Variants in RBFOX1 observed in about 807,000 individuals in gnomAD.
RBFOX1 encodes RNA binding fox-1 homolog 1, also known as RNA binding protein fox-1 homolog 1.
A neutral mutation model predicts 57.7 loss-of-function variants in RBFOX1; 8 were observed. The ratio of observed to expected loss-of-function variants is 0.14; its 90% CI spans 0.08 to 0.25. The LOEUF (loss-of-function observed/expected upper bound fraction) is 0.25, where lower values mean the gene tolerates loss of function less well. Ranked by LOEUF, RBFOX1 falls within the 10% of genes least tolerant of loss-of-function variation. The pLI is 1.00. For missense variants in RBFOX1, 611 were observed against 548.5 expected (o/e 1.11, Z -1.14); for synonymous variants, 326 against 222.4 (o/e 1.47, Z -4.15).
rs1334501306 is a variant in RBFOX1, at chr16:7,020,129, C to T, written c.-15-31928C>T. ...TTTACTACAATTGTCATGTCTCAGGCCAGGTGCGGCGTACCCGGGGACTCT... is the reference window on the plus strand; with the variant it reads ...TTTACTACAATTGTCATGTCTCAGGTCAGGTGCGGCGTACCCGGGGACTCT... On this transcript the variant is annotated intron_variant, in intron 3 of 15. Coordinates refer to ENST00000550418, the MANE Select transcript of RBFOX1 (RefSeq NM_018723.4). Among the ~76,000 whole-genome samples, 7 of 152,276 alleles carry T rather than the reference C, an allele frequency of 4.6e-5. No homozygotes were observed. The South Asian group carries it at 1.2e-3, about 27-fold the overall frequency.
At chr16:6,462,059 TCAA>T (rs991077227) in intron 2 of RBFOX1, among the ~76,000 whole-genome samples, 2 of 152,182 alleles carry the variant, frequency 1.3e-5, no homozygotes, top group African/African-American at 4.8e-5. Flanking sequence ...TTTTTCCTTT[TCAA>T]CAACATTTTT....
At chr16:7,211,174 G>C (rs1474663257) in intron 4 of RBFOX1, among the ~76,000 whole-genome samples, 2 of 151,498 alleles carry the variant, frequency 1.3e-5, no homozygotes, top group Non-Finnish European at 2.9e-5. Context: ...GGGGGATCAT[G>C]AGGTCAGGAG....
At chr16:7,684,579 G>A (rs2146975069) in intron 14 of RBFOX1, among the ~76,000 whole-genome samples, 1 of 151,636 alleles carries the variant, frequency 6.6e-6, no homozygotes, top group South Asian at 2.1e-4. Context: ...CATATGATAA[G>A]CTAAATCAGT....
chr16:7,345,107 CAG>C (rs1327620325), intron 4 of RBFOX1, among the ~76,000 whole-genome samples: 2 of 152,160 alleles, frequency 1.3e-5, no homozygotes, highest in African/African-American at 4.8e-5. Context: ...TTTTGGTTAT[CAG>C]TGTTGAAACC....
At chr16:5,890,718 A>T (rs1051123405) in intron 4 of RBFOX1, among the ~76,000 whole-genome samples, 2 of 151,506 alleles carry the variant, frequency 1.3e-5, no homozygotes, top group Non-Finnish European at 2.9e-5. Flanking sequence ...AAAAAAAAAA[A>T]AAAGTGAAGG....
intron 3 of RBFOX1, among the ~76,000 whole-genome samples, chr16:6,674,965 G>A (rs933328255): frequency 1.3e-5 from 2 of 152,060 alleles, no homozygotes; most frequent in Admixed American, 1.3e-4. Context: ...GAGTGCAGTG[G>A]CATGATCTTG....
At position 7,503,527 on chromosome 16, in the gene RBFOX1, A is replaced by C. The variant is rs1421851959; in HGVS notation, c.28-14620A>C. ...TCCCCTTGTGGATTTGGTTAAATGT[A>C]GTAGTATTAGCAATGGCACAAGTCA... On this transcript the variant is annotated intron_variant, in intron 4 of 15. Transcript: ENST00000550418. 2.6e-5 allele frequency among the ~76,000 whole-genome samples: 4 copies of C among 152,226 alleles called. No homozygotes were observed. In the East Asian group the frequency reaches 7.7e-4, roughly 29 times the overall value.
chr16:7,616,090 C>G (rs1188734705), intron 10 of RBFOX1, among the ~76,000 whole-genome samples: 6 of 152,168 alleles, frequency 3.9e-5, no homozygotes, highest in African/African-American at 1.4e-4. Flanking sequence ...TGATTTGATA[C>G]CACACAGCTG....
At chr16:6,765,530 G>GAA (rs76578989) in intron 3 of RBFOX1, among the ~76,000 whole-genome samples, 1 of 151,746 alleles carries the variant, frequency 6.6e-6, no homozygotes, top group Non-Finnish European at 1.5e-5. Flanking sequence ...TAAAGTTTAA[G>GAA]AAAAAAAGAA....
At chr16:7,130,419 T>G (rs1023672800) in intron 4 of RBFOX1, among the ~76,000 whole-genome samples, 1 of 152,288 alleles carries the variant, frequency 6.6e-6, no homozygotes, top group East Asian at 1.9e-4. Flanking sequence ...GTATTCACAT[T>G]ATTACACTTA....
Position 7,712,735 on chromosome 16 carries a change from G to A in RBFOX1, c.*1990G>A, listed in dbSNP as rs769764313. The A allele has an allele frequency of 6.6e-6, 1 of 152,188 alleles. No individual in the cohort carries two copies. The highest frequency in any genetic ancestry group is 6.5e-5 in the Admixed American group (1 of 15,274). 9.4% of individuals were successfully genotyped at this position (152,188 alleles called of 1,614,324 possible). A position where few individuals can be genotyped will look rare whatever the true frequency, so the allele number is the denominator to read the frequency against. On this transcript the variant is annotated 3_prime_UTR_variant, in exon 16 of 16. Transcript: ENST00000550418. ...TGGGTGCCTGGTTGATGTTCTTAAA[G>A]GAAACGAATTATTAAAACACTATGA...
intron 4 of RBFOX1, among the ~76,000 whole-genome samples, chr16:7,212,226 G>C (rs2091279531): frequency 6.6e-6 from 1 of 152,150 alleles, no homozygotes; most frequent in African/African-American, 2.4e-5. Context: ...AGAGAAACCA[G>C]AGAATGAGGG....
At chr16:7,025,264 T>A (rs887194530) in intron 3 of RBFOX1, among the ~76,000 whole-genome samples, 9 of 152,124 alleles carry the variant, frequency 5.9e-5, no homozygotes, top group Non-Finnish European at 1.0e-4. Flanking sequence ...GATGTTGCCA[T>A]GGTGTTTGGA....
intron 2 of RBFOX1, among the ~76,000 whole-genome samples, chr16:6,574,829 G>A (rs2097403337): frequency 6.7e-6 from 1 of 149,150 alleles, no homozygotes; most frequent in Non-Finnish European, 1.5e-5. Context: ...ACGAGGTCAG[G>A]CGATCCAGAC....
chr16:7,193,472 T>C (rs11644460), intron 4 of RBFOX1, among the ~76,000 whole-genome samples: 88,954 of 152,058 alleles, frequency 0.58, 26,190 homozygotes, highest in Middle Eastern at 0.64. Context: ...ATGTTTGAGG[T>C]CTTTGTTACA....
chr16:7,171,913 C>G (rs2080776170), intron 4 of RBFOX1, among the ~76,000 whole-genome samples: 1 of 152,140 alleles, frequency 6.6e-6, no homozygotes. Context: ...AGGATATATC[C>G]TCAGGTAGAA....
At chr16:5,404,240 C>T (rs2066800784) in intron 1 of RBFOX1, among the ~76,000 whole-genome samples, 1 of 152,112 alleles carries the variant, frequency 6.6e-6, no homozygotes, top group South Asian at 2.1e-4. Flanking sequence ...CCTGACTTGA[C>T]CACTATGCAA....
At chr16:7,500,398 T>A (rs1465459382) in intron 4 of RBFOX1, among the ~76,000 whole-genome samples, 2 of 152,202 alleles carry the variant, frequency 1.3e-5, no homozygotes, top group African/African-American at 4.8e-5. Flanking sequence ...TTTCCCTTTG[T>A]TCTGATGAGA....
At chr16:5,671,436 A>G (rs2050009451) in intron 3 of RBFOX1, among the ~76,000 whole-genome samples, 1 of 152,148 alleles carries the variant, frequency 6.6e-6, no homozygotes, top group Admixed American at 6.5e-5. Context: ...GGAGATTAAC[A>G]CTGATGTTAT....
Sources: gnomAD v4.1 joint callset for allele counts (sites outside exome capture counted in the v4.1 genomes callset) on GRCh38, gnomAD v4.1.1 for gene constraint, MANE v1.5 for transcripts, NCBI Gene and HGNC (gene_info 2026-07-23, HGNC 2026-07-21) for gene names.